The following GADL1 variants were observed in gnomAD, a reference collection of about 807,000 sequenced individuals.
GADL1 encodes GAD like acidic amino acid decarboxylase 1, also known as acidic amino acid decarboxylase GADL1.
GADL1 carries 71 observed loss-of-function variants against 69.5 expected under a neutral mutation model. That is an observed-to-expected ratio of 1.02 (90% CI 0.84 to 1.25). GADL1 has a LOEUF of 1.25. Ranked by LOEUF, GADL1 falls within the 50% of genes most tolerant of loss-of-function variation. GADL1 has a pLI of 0.00. For missense variants in GADL1, 737 were observed against 631.8 expected, an observed-to-expected ratio of 1.17 and a Z score of -1.79; for synonymous variants, 254 against 214.4, an observed-to-expected ratio of 1.18 and a Z score of -1.62.
intron 1 of GADL1, among the ~76,000 whole-genome samples, chr3:30,887,800 A>G (rs1559369671): frequency 6.6e-6 from 1 of 152,186 alleles, no homozygotes; most frequent in Non-Finnish European, 1.5e-5. Context: ...TTAAAAAGAC[A>G]TATCATAGTT....
At chr3:30,818,283 G>A (rs535088041) in intron 11 of GADL1, among the ~76,000 whole-genome samples, 13 of 152,256 alleles carry the variant, frequency 8.5e-5, no homozygotes, top group Admixed American at 4.6e-4. Flanking sequence ...TTTACCTGTC[G>A]TGAGAACTTA....
chr3:30,780,104 C>A (rs1260419051), intron 13 of GADL1, among the ~76,000 whole-genome samples: 1 of 152,160 alleles, frequency 6.6e-6, no homozygotes, highest in African/African-American at 2.4e-5. Context: ...CCATAAATGG[C>A]TTTTCCTGGC....
intron 11 of GADL1, among the ~76,000 whole-genome samples, chr3:30,814,549 TG>T (rs1697424686): frequency 6.6e-6 from 1 of 152,166 alleles, no homozygotes; most frequent in Non-Finnish European, 1.5e-5. Flanking sequence ...TGAGCATGCC[TG>T]TGTTCTACTA....
intron 11 of GADL1, among the ~76,000 whole-genome samples, chr3:30,818,541 A>G (rs1697515162): frequency 6.6e-6 from 1 of 152,026 alleles, no homozygotes; most frequent in Non-Finnish European, 1.5e-5. Context: ...ATTTCATGTT[A>G]TTGTGAATTT....
At chr3:30,728,463 G>T (rs1292158929) in intron 14 of GADL1, 48 bp from the exon 15 acceptor site, 7 of 1,488,724 alleles carry the variant, frequency 4.7e-6, no homozygotes, top group South Asian at 1.1e-5. Flanking sequence ...GAACATCAAG[G>T]CATTTCAATA....
At position 30,845,920 on chromosome 3, in the gene GADL1, C is replaced by T. The variant is rs9879578; in HGVS notation, c.652-1454G>A. 2.9e-3 allele frequency among the ~76,000 whole-genome samples: 448 copies of T among 152,194 alleles called. 3 individuals are homozygous for T. Among genetic ancestry groups the T allele is most frequent in the African/African-American group, 0.01 (428 of 41,528 alleles). On this transcript the variant is annotated intron_variant, in intron 6 of 14. Transcript: ENST00000282538. ...TAAGGAAAAGCACAATGCTCTCCCCCTGAGAAATAGCAAAATATCTCCAAC... is the reference window on the plus strand; with the variant it reads ...TAAGGAAAAGCACAATGCTCTCCCCTTGAGAAATAGCAAAATATCTCCAAC...
At chr3:30,829,347 CCAGT>C (rs1157942291) in intron 11 of GADL1, among the ~76,000 whole-genome samples, 1 of 151,828 alleles carries the variant, frequency 6.6e-6, no homozygotes, top group Non-Finnish European at 1.5e-5. Flanking sequence ...GCAAAAACTA[CCAGT>C]CAATCAGGAA....
intron 11 of GADL1, among the ~76,000 whole-genome samples, chr3:30,818,029 C>CA (rs1697504652): frequency 6.6e-6 from 1 of 152,128 alleles, no homozygotes. Flanking sequence ...ATTGCCACAG[C>CA]AAGACATGGA....
In GADL1 at chr3:30,754,973, C is replaced by T. The variant is rs74571313; in HGVS notation, c.1392+23206G>A. On this transcript the variant is annotated intron_variant, in intron 14 of 14. Transcript: ENST00000282538. Reference sequence around the variant, plus strand: ...AGAGACTTTCACTGAGGAAGCAGACCAAAACGGGGGAGCACTTTAGCATTT... The same window carrying T: ...AGAGACTTTCACTGAGGAAGCAGACTAAAACGGGGGAGCACTTTAGCATTT... 8.5e-3 allele frequency among the ~76,000 whole-genome samples: 1,292 copies of T among 151,810 alleles called. 14 individuals are homozygous for T. The highest frequency in any genetic ancestry group is 0.028 in the African/African-American group (1,174 of 41,254).
In GADL1 at chr3:30,764,106, T is replaced by G. The variant is rs1278118493; in HGVS notation, c.1392+14073A>C. The stretch of plus-strand genomic sequence containing the variant: ...TTTAACATTCATAAAAATGCAAATG[T>G]ACATTATATATACTTATGTTTATTA... On this transcript the variant is annotated intron_variant, in intron 14 of 14. Coordinates refer to ENST00000282538, the MANE Select transcript of GADL1 (RefSeq NM_207359.3). Among the ~76,000 whole-genome samples, 4 of 152,132 alleles carry G rather than the reference T, an allele frequency of 2.6e-5. No homozygotes were observed. In the East Asian group the frequency reaches 7.7e-4, roughly 29 times the overall value.
intron 14 of GADL1, among the ~76,000 whole-genome samples, chr3:30,731,981 G>A (rs967726409): frequency 6.6e-6 from 1 of 152,286 alleles, no homozygotes; most frequent in Admixed American, 6.5e-5. Flanking sequence ...TCACTTGTCT[G>A]ATTCCCATAA....
chr3:30,798,026 AGT>A (rs886830478), intron 12 of GADL1: 4 of 152,190 alleles, frequency 2.6e-5, no homozygotes, highest in Non-Finnish European at 5.9e-5. Context: ...TGTTCTTGAA[AGT>A]GTGACAACAA....
intron 12 of GADL1, among the ~76,000 whole-genome samples, chr3:30,789,727 C>CT (rs1281686380): frequency 6.6e-6 from 1 of 152,186 alleles, no homozygotes; most frequent in Admixed American, 6.6e-5. Flanking sequence ...TCAACTTGCA[C>CT]TTTTATGTTA....
chr3:30,892,243 C>T (rs941030027), intron 1 of GADL1, among the ~76,000 whole-genome samples: 1 of 152,160 alleles, frequency 6.6e-6, no homozygotes, highest in Non-Finnish European at 1.5e-5. Flanking sequence ...CAACAGGATT[C>T]CCTATGGTAT....
chr3:30,750,196 C>T (rs1469273053), intron 14 of GADL1, among the ~76,000 whole-genome samples: 1 of 152,122 alleles, frequency 6.6e-6, no homozygotes, highest in Admixed American at 6.5e-5. Context: ...GGACAGAAGG[C>T]GCTAAAATTA....
chr3:30,862,865 T>G (rs528654050), intron 1 of GADL1, among the ~76,000 whole-genome samples: 11 of 152,128 alleles, frequency 7.2e-5, no homozygotes, highest in African/African-American at 1.9e-4. Context: ...ATTACAAAGT[T>G]TACACAAAAG....
intron 11 of GADL1, among the ~76,000 whole-genome samples, chr3:30,807,970 T>G (rs1380753393): frequency 6.6e-6 from 1 of 150,664 alleles, no homozygotes; most frequent in African/African-American, 2.5e-5. Flanking sequence ...AGGTGGAGAT[T>G]GCAGTGAGCC....
intron 12 of GADL1, among the ~76,000 whole-genome samples, chr3:30,788,256 G>T (rs183662824): frequency 1.3e-5 from 2 of 152,090 alleles, no homozygotes; most frequent in African/African-American, 2.4e-5. Flanking sequence ...GGCATCCCTC[G>T]GGGGTATTGT....
intron 14 of GADL1, among the ~76,000 whole-genome samples, chr3:30,750,891 A>G (rs1184053149): frequency 6.6e-6 from 1 of 152,132 alleles, no homozygotes; most frequent in African/African-American, 2.4e-5. Flanking sequence ...AAAGCATTAT[A>G]CATTTTAAAT....
Sources: gnomAD v4.1 joint callset for allele counts (sites outside exome capture counted in the v4.1 genomes callset) on GRCh38, gnomAD v4.1.1 for gene constraint, MANE v1.5 for transcripts, NCBI Gene and HGNC (gene_info 2026-07-23, HGNC 2026-07-21) for gene names.